The following MRPS21 variants were observed in gnomAD, a reference collection of about 807,000 sequenced individuals.
MRPS21 encodes the protein small ribosomal subunit protein bS21m.
A neutral mutation model predicts 9.9 loss-of-function variants in MRPS21; 8 were observed. That is an observed-to-expected ratio of 0.81 (90% CI 0.47 to 1.45). The LOEUF (loss-of-function observed/expected upper bound fraction) is 1.45. MRPS21 is among the 40% of genes most tolerant of loss of function. The pLI is 0.00. For missense variants in MRPS21, 101 were observed against 118.9 expected, an observed-to-expected ratio of 0.85 and a Z score of 0.70; for synonymous variants, 40 against 40.3, an observed-to-expected ratio of 0.99 and a Z score of 0.03.
intron 2 of MRPS21, among the ~76,000 whole-genome samples, chr1:150,303,657 TCA>T (rs1654222148): frequency 6.6e-6 from 1 of 152,218 alleles, no homozygotes; most frequent in South Asian, 2.1e-4. Context: ...TCTCTGAACT[TCA>T]GTTTCCTCAT....
intron 2 of MRPS21, among the ~76,000 whole-genome samples, chr1:150,299,587 T>C (rs907289369): frequency 1.3e-5 from 2 of 152,166 alleles, no homozygotes; most frequent in Admixed American, 6.5e-5. Flanking sequence ...CCCGTGTAGC[T>C]GGGATTACAG....
At chr1:150,304,001 G>A (rs471738) in intron 2 of MRPS21, 205,664 of 439,504 alleles carry the variant, frequency 0.47, 51,540 homozygotes, top group East Asian at 0.77. Context: ...ATGTAATACT[G>A]TTTGATCAGT....
chr1:150,307,938 C>T, intron 2 of MRPS21, 110 bp from the exon 3 acceptor site: 1 of 1,082,196 alleles, frequency 9.2e-7, no homozygotes, highest in East Asian at 2.6e-5. Flanking sequence ...CCATTTCCCA[C>T]TGTATTTTTT....
At chr1:150,303,871 G>A in intron 2 of MRPS21, 2 of 455,986 alleles carry the variant, frequency 4.4e-6, no homozygotes, top group Non-Finnish European at 4.4e-6. Context: ...TAGTCATCTA[G>A]AGGACTCATT....
chr1:150,297,137 A>G (rs1653941990), intron 2 of MRPS21, among the ~76,000 whole-genome samples: 1 of 151,906 alleles, frequency 6.6e-6, no homozygotes, highest in African/African-American at 2.4e-5. Flanking sequence ...TAAAAATACA[A>G]AAGATTAGCC....
At chr1:150,303,847 C>G (rs1461570758) in intron 2 of MRPS21, 1 of 455,478 alleles carries the variant, frequency 2.2e-6, no homozygotes, top group Non-Finnish European at 4.4e-6. Flanking sequence ...ATCCCTTGTG[C>G]TATGGACATT....
chr1:150,297,709 A>G (rs1325524510), intron 2 of MRPS21, among the ~76,000 whole-genome samples: 2 of 151,938 alleles, frequency 1.3e-5, no homozygotes, highest in Admixed American at 6.6e-5. Context: ...ACTTAATTCT[A>G]TGTGCATAAC....
At chr1:150,306,738 G>T (rs1041087778) in intron 2 of MRPS21, among the ~76,000 whole-genome samples, 1 of 151,842 alleles carries the variant, frequency 6.6e-6, no homozygotes, top group Non-Finnish European at 1.5e-5. Flanking sequence ...CAGGTGATCC[G>T]CCCACCTCGG....
At chr1:150,294,867 C>A (rs1653855530) in intron 2 of MRPS21, among the ~76,000 whole-genome samples, 1 of 135,750 alleles carries the variant, frequency 7.4e-6, no homozygotes, top group Middle Eastern at 4.2e-3. Context: ...CACTTGCACT[C>A]CAGCCTGGGC....
At chr1:150,303,813 C>T in intron 2 of MRPS21, 1 of 444,076 alleles carries the variant, frequency 2.3e-6, no homozygotes, top group Non-Finnish European at 4.6e-6. Flanking sequence ...TCCCCAATAA[C>T]TGTATATATT....
At chr1:150,296,527 C>T (rs1653921262) in intron 2 of MRPS21, among the ~76,000 whole-genome samples, 1 of 152,114 alleles carries the variant, frequency 6.6e-6, no homozygotes, top group Admixed American at 6.6e-5. Context: ...CTTGTTGTGC[C>T]TGTGAATAAC....
At chr1:150,297,278 G>A (rs1232114345) in intron 2 of MRPS21, among the ~76,000 whole-genome samples, 4 of 114,314 alleles carry the variant, frequency 3.5e-5, no homozygotes, top group African/African-American at 7.3e-5. Flanking sequence ...GCAACAGAGC[G>A]AGACTCTGTC....
chr1:150,303,170 C>G (rs1333385369), intron 2 of MRPS21, among the ~76,000 whole-genome samples: 1 of 152,160 alleles, frequency 6.6e-6, no homozygotes, highest in South Asian at 2.1e-4. Flanking sequence ...TTGTTTCATC[C>G]TACTTTTAAA....
At chr1:150,306,481 GTCTTGAACTCCTGACC>G (rs1208604349) in intron 2 of MRPS21, among the ~76,000 whole-genome samples, 1 of 151,780 alleles carries the variant, frequency 6.6e-6, no homozygotes, top group African/African-American at 2.4e-5. Flanking sequence ...GGCCAGCCTG[GTCTTGAACTCCTGACC>G]TCAAGTGATC....
At chr1:150,297,175 C>T (rs1460563360) in intron 2 of MRPS21, among the ~76,000 whole-genome samples, 2 of 151,922 alleles carry the variant, frequency 1.3e-5, no homozygotes, top group African/African-American at 4.8e-5. Context: ...CCTGTAGTCC[C>T]AGCTACTGAG....
At position 150,308,296 on chromosome 1, in the gene MRPS21, A is replaced by G; in HGVS notation, c.*68A>G. 6.8e-7 allele frequency: 1 copy of G among 1,478,502 alleles called. No homozygotes were observed. The highest frequency in any genetic ancestry group is 1.3e-5 in the South Asian group (1 of 77,426). 91.6% of individuals were successfully genotyped at this position (1,478,502 alleles called of 1,614,324 possible). On this transcript the variant is annotated 3_prime_UTR_variant, in exon 3 of 3. Coordinates refer to ENST00000614145, the MANE Select transcript of MRPS21 (RefSeq NM_031901.6). ...TTCTCTCCATCTCTTTTCTTTGTACAATCCCATTTCCTATTACCATTCTCT... is the reference window on the plus strand; with the variant it reads ...TTCTCTCCATCTCTTTTCTTTGTACGATCCCATTTCCTATTACCATTCTCT...
rs998266330 is a variant in MRPS21, at chr1:150,308,292, G to T, written c.*64G>T. 1.0e-5 allele frequency: 15 copies of T among 1,490,378 alleles called. No individual in the cohort carries two copies. The highest frequency in any genetic ancestry group is 1.4e-5 in the Non-Finnish European group (15 of 1,095,966). The allele number at this position is 1,490,378 out of a possible 1,614,324, so 92.3% of individuals were successfully genotyped here. A position where few individuals can be genotyped will look rare whatever the true frequency, so the allele number is the denominator to read the frequency against. Reference sequence around the variant, plus strand: ...AGTTTTCTCTCCATCTCTTTTCTTTGTACAATCCCATTTCCTATTACCATT... The same window carrying T: ...AGTTTTCTCTCCATCTCTTTTCTTTTTACAATCCCATTTCCTATTACCATT... On this transcript the variant is annotated 3_prime_UTR_variant, in exon 3 of 3. Transcript: ENST00000614145.
At chr1:150,300,292 G>A (rs1159680367) in intron 2 of MRPS21, among the ~76,000 whole-genome samples, 3 of 151,788 alleles carry the variant, frequency 2.0e-5, no homozygotes, top group African/African-American at 4.8e-5. Context: ...GCAGTGAGCC[G>A]AGATCGCGCC....
intron 1 of MRPS21, 67 bp from the exon 2 acceptor site, chr1:150,294,268 C>A: frequency 9.2e-7 from 1 of 1,081,426 alleles, no homozygotes; most frequent in Non-Finnish European, 1.4e-6. Flanking sequence ...ATAAGCCGCG[C>A]GGTGTAGTTT....
Sources: gnomAD v4.1 joint callset for allele counts (sites outside exome capture counted in the v4.1 genomes callset) on GRCh38, gnomAD v4.1.1 for gene constraint, MANE v1.5 for transcripts, NCBI Gene and HGNC (gene_info 2026-07-23, HGNC 2026-07-21) for gene names.